The following ACACA variants were observed in gnomAD, a reference collection of about 807,000 sequenced individuals.
ACACA encodes the protein acetyl-CoA carboxylase 1.
In ACACA, 103 loss-of-function variants were observed where a neutral mutation model predicts 296.1. The ratio of observed to expected loss-of-function variants is 0.35; its 90% CI spans 0.30 to 0.41. The LOEUF is 0.41. Among genes scored for constraint, ACACA ranks in the 10% least tolerant of loss-of-function variants. ACACA has a pLI of 1.00. For missense variants in ACACA, 1,554 were observed against 2,989.7 expected, an observed-to-expected ratio of 0.52 and a Z score of 11.20; for synonymous variants, 953 against 1,038.6, an observed-to-expected ratio of 0.92 and a Z score of 1.58.
intron 26 of ACACA, chr17:37,225,314 T>C: frequency 1.9e-6 from 1 of 524,674 alleles, no homozygotes; most frequent in South Asian, 2.1e-5. Flanking sequence ...TCACCATGAT[T>C]TGCATTGTGG....
chr17:37,278,715 C>A (rs2082376597), intron 5 of ACACA, among the ~76,000 whole-genome samples: 1 of 151,960 alleles, frequency 6.6e-6, no homozygotes, highest in Non-Finnish European at 1.5e-5. Flanking sequence ...TCATTTAATT[C>A]TCTCATCAAC....
intron 1 of ACACA, among the ~76,000 whole-genome samples, chr17:37,375,273 T>A (rs1221201473): frequency 1.3e-5 from 2 of 151,746 alleles, no homozygotes; most frequent in African/African-American, 2.4e-5. Flanking sequence ...GATCACGAGA[T>A]CAGGAGATTA....
intron 5 of ACACA, among the ~76,000 whole-genome samples, chr17:37,280,752 C>CAT (rs2082478596): frequency 6.6e-6 from 1 of 151,540 alleles, no homozygotes; most frequent in South Asian, 2.1e-4. Flanking sequence ...CACACACACA[C>CAT]ACACACACAC....
At chr17:37,371,073 C>T (rs1242776496) in intron 1 of ACACA, among the ~76,000 whole-genome samples, 1 of 151,628 alleles carries the variant, frequency 6.6e-6, no homozygotes. Flanking sequence ...ATAGAGAGTT[C>T]AATTTTTTTG....
chr17:37,232,580 G>C (rs923141636), intron 25 of ACACA, among the ~76,000 whole-genome samples: 11 of 152,130 alleles, frequency 7.2e-5, no homozygotes, highest in African/African-American at 2.7e-4. Flanking sequence ...AGTAACATCA[G>C]ATCAGAAAAG....
chr17:37,389,312 G>A lies in ACACA; in HGVS notation c.38+16950C>T, dbSNP rs761844357. ...GTTGTGGAGATGGCAAAAGAAGGGA[G>A]GCCAGCCACCTGGGACAGCTGAATC... On this transcript the variant is annotated intron_variant, in intron 1 of 55. Coordinates refer to ENST00000616317, the MANE Select transcript of ACACA (RefSeq NM_198834.3). 4 of 1,598,344 alleles carry A rather than the reference G, an allele frequency of 2.5e-6. No homozygotes were observed. The South Asian group carries it at 4.6e-5, about 18-fold the overall frequency.
At chr17:37,334,245 G>A (rs1297777752) in intron 2 of ACACA, among the ~76,000 whole-genome samples, 1 of 151,938 alleles carries the variant, frequency 6.6e-6, no homozygotes, top group Admixed American at 6.6e-5. Flanking sequence ...CTGTATGGAC[G>A]GCCCTTCCTA....
intron 1 of ACACA, among the ~76,000 whole-genome samples, chr17:37,373,224 G>A (rs1158000201): frequency 2.0e-5 from 3 of 151,918 alleles, no homozygotes; most frequent in Non-Finnish European, 2.9e-5. Context: ...CTCTGCCCCC[G>A]ACAGTATGGC....
In ACACA at chr17:37,155,713, C is replaced by T; in HGVS notation, c.5417G>A (p.Cys1806Tyr). 6.2e-7 allele frequency: 1 copy of T among 1,611,070 alleles called. No individual in the cohort carries two copies. The change falls in exon 43 of 56, where the codon TGT becomes TAT. Residue 1806 changes from cysteine to tyrosine, a missense_variant. Cys to Tyr is a radical substitution (Grantham distance 194). Coordinates refer to ENST00000616317, the MANE Select transcript of ACACA (RefSeq NM_198834.3). ...KRVSALNSVH[C>Y]EHVEDEGESR... ...TTCTCCTTCATCTTCCACGTGTTCA[C>T]AATGGACAGAGTTGAGAGCACTGAC...
chr17:37,223,661 A>T (rs926920445), intron 27 of ACACA, 60 bp from the exon 28 acceptor site: 1 of 1,251,820 alleles, frequency 8.0e-7, no homozygotes, highest in Non-Finnish European at 1.2e-6. Context: ...TTCAATGGAC[A>T]CTATTTGGCA....
chr17:37,175,351 A>C (rs1028476831), intron 41 of ACACA, among the ~76,000 whole-genome samples: 2 of 152,242 alleles, frequency 1.3e-5, no homozygotes, highest in Non-Finnish European at 2.9e-5. Flanking sequence ...TTAGTGCGAA[A>C]AGCAGCTGTA....
chr17:37,229,135 C>T (rs1273841564), intron 25 of ACACA, among the ~76,000 whole-genome samples: 2 of 130,240 alleles, frequency 1.5e-5, no homozygotes, highest in African/African-American at 3.2e-5. Context: ...CAGAGCGAGA[C>T]TCCGTCTCAA....
chr17:37,188,232 G>A (rs755573956), intron 39 of ACACA, 45 bp downstream of exon 39: 69 of 1,581,140 alleles, frequency 4.4e-5, no homozygotes, highest in Non-Finnish European at 6.0e-5. Context: ...TGTCTTATCT[G>A]TAGGACCAAA....
intron 1 of ACACA, among the ~76,000 whole-genome samples, chr17:37,351,988 C>T (rs1012379089): frequency 6.8e-6 from 1 of 146,566 alleles, no homozygotes; most frequent in East Asian, 2.0e-4. Flanking sequence ...TGGAGTGCAG[C>T]GGCGCAATCT....
chr17:37,223,662 C>G, intron 27 of ACACA, 61 bp from the exon 28 acceptor site: 1 of 1,248,510 alleles, frequency 8.0e-7, no homozygotes, highest in Non-Finnish European at 1.2e-6. Context: ...TCAATGGACA[C>G]TATTTGGCAT....
chr17:37,359,767 A>C (rs996803714), intron 1 of ACACA, among the ~76,000 whole-genome samples: 2 of 152,118 alleles, frequency 1.3e-5, no homozygotes, highest in Non-Finnish European at 2.9e-5. Context: ...CTGGTTTCCA[A>C]GTCTGGGCGA....
chr17:37,176,002 C>A (rs1021799185), intron 41 of ACACA, among the ~76,000 whole-genome samples: 1 of 152,144 alleles, frequency 6.6e-6, no homozygotes, highest in African/African-American at 2.4e-5. Context: ...TATTCCTCCT[C>A]AAATGGCAAA....
At chr17:37,363,122 G>C (rs1410448196) in intron 1 of ACACA, among the ~76,000 whole-genome samples, 1 of 148,614 alleles carries the variant, frequency 6.7e-6, no homozygotes, top group East Asian at 2.0e-4. Flanking sequence ...AAGTAGCTGG[G>C]ACTACAGGGA....
intron 1 of ACACA, among the ~76,000 whole-genome samples, chr17:37,399,875 T>A (rs1112174): frequency 0.74 from 111,711 of 151,952 alleles, 41,843 homozygotes; most frequent in East Asian, 0.97. Flanking sequence ...TCTAAGAAAT[T>A]TATTTTATTT....
Sources: gnomAD v4.1 joint callset for allele counts (sites outside exome capture counted in the v4.1 genomes callset) on GRCh38, gnomAD v4.1.1 for gene constraint, MANE v1.5 for transcripts, NCBI Gene and HGNC (gene_info 2026-07-23, HGNC 2026-07-21) for gene names.